ROBO1: variants seen among roughly 807,000 people sequenced by gnomAD.
ROBO1 encodes roundabout homolog 1.
A neutral mutation model predicts 195.9 loss-of-function variants in ROBO1; 149 were observed. The ratio of observed to expected loss-of-function variants is 0.76; its 90% CI spans 0.67 to 0.87. The LOEUF is 0.87. ROBO1 is among the 40% of genes least tolerant of loss of function. ROBO1 has a pLI of 0.00. For synonymous variants in ROBO1, 816 were observed against 733.2 expected, an observed-to-expected ratio of 1.11 and a Z score of -1.82; for missense variants, 1,933 against 2,068.3, an observed-to-expected ratio of 0.93 and a Z score of 1.27.
chr3:78,836,679 G>C (rs1230513068), intron 4 of ROBO1, among the ~76,000 whole-genome samples: 1 of 152,050 alleles, frequency 6.6e-6, no homozygotes, highest in African/African-American at 2.4e-5. Flanking sequence ...GTATTAATTT[G>C]TATAAGGTGG....
intron 3 of ROBO1, among the ~76,000 whole-genome samples, chr3:79,020,498 C>T (rs763942814): frequency 6.6e-6 from 1 of 152,136 alleles, no homozygotes; most frequent in Non-Finnish European, 1.5e-5. Context: ...TCGAGACCAG[C>T]CTGACCAATA....
intron 1 of ROBO1, among the ~76,000 whole-genome samples, chr3:79,763,164 T>C (rs1704803663): frequency 6.6e-6 from 1 of 152,098 alleles, no homozygotes; most frequent in Admixed American, 6.6e-5. Context: ...TCAGGAGCAA[T>C]GCATGGACAA....
intron 2 of ROBO1, among the ~76,000 whole-genome samples, chr3:79,469,990 TA>T (rs1401105168): frequency 1.3e-5 from 2 of 152,170 alleles, no homozygotes; most frequent in East Asian, 3.8e-4. Flanking sequence ...AAAGAGTTTT[TA>T]AAAACTGTTA....
At chr3:79,761,109 A>G (rs2107521662) in intron 1 of ROBO1, among the ~76,000 whole-genome samples, 1 of 148,184 alleles carries the variant, frequency 6.7e-6, no homozygotes, top group East Asian at 1.9e-4. Context: ...AAAATATACT[A>G]TATATTTTTA....
intron 1 of ROBO1, among the ~76,000 whole-genome samples, chr3:79,612,016 C>T (rs1216511355): frequency 2.1e-5 from 3 of 145,382 alleles, no homozygotes; most frequent in Non-Finnish European, 3.0e-5. Flanking sequence ...TCTGTAATGA[C>T]TATTATCTTT....
chr3:78,609,364 T>A (rs1380346070), intron 28 of ROBO1, among the ~76,000 whole-genome samples: 2 of 152,164 alleles, frequency 1.3e-5, no homozygotes, highest in Non-Finnish European at 2.9e-5. Flanking sequence ...AAAGCAGGGC[T>A]GTCAAGTCTC....
intron 26 of ROBO1, among the ~76,000 whole-genome samples, chr3:78,622,008 A>G (rs1157385882): frequency 1.3e-5 from 2 of 152,224 alleles, no homozygotes; most frequent in Non-Finnish European, 1.5e-5. Context: ...TGTATTCCAT[A>G]TATGAACATA....
At chr3:79,263,575 T>C (rs1344095105) in intron 2 of ROBO1, among the ~76,000 whole-genome samples, 1 of 151,914 alleles carries the variant, frequency 6.6e-6, no homozygotes, top group Non-Finnish European at 1.5e-5. Flanking sequence ...GCCCAGGAGT[T>C]TAAGGCTACT....
intron 4 of ROBO1, among the ~76,000 whole-genome samples, chr3:78,834,707 C>G (rs966709723): frequency 1.3e-5 from 2 of 152,036 alleles, no homozygotes; most frequent in Non-Finnish European, 2.9e-5. Flanking sequence ...CCTTGAGTTA[C>G]TAGGCACTGT....
chr3:79,421,252 A>T (rs926075646), intron 2 of ROBO1, among the ~76,000 whole-genome samples: 4 of 152,074 alleles, frequency 2.6e-5, no homozygotes, highest in Admixed American at 1.3e-4. Context: ...GATGAGAATT[A>T]AAAAATTACC....
chr3:78,728,844 A>T (rs1250064321), intron 5 of ROBO1, among the ~76,000 whole-genome samples: 1 of 152,230 alleles, frequency 6.6e-6, no homozygotes, highest in African/African-American at 2.4e-5. Flanking sequence ...TTGGCGTCCC[A>T]TATTTGCCTG....
rs536386328 is a variant in ROBO1 at position 79,137,076 on chromosome 3, A to G, written c.89-11537T>C. On this transcript the variant is annotated intron_variant, in intron 2 of 30. Transcript: ENST00000464233. ...CAATGTTGCTGCTATAAGAAAAATC[A>G]AGGTTGTTTCTTTACGTTTCTTTCA... Among the ~76,000 whole-genome samples, 12 of 152,250 alleles carry G rather than the reference A, an allele frequency of 7.9e-5. No individual in the cohort carries two copies. The South Asian group carries it at 2.3e-3, about 29-fold the overall frequency.
Position 79,496,387 on chromosome 3 carries a change from C to CATTTTTTTTTTTTTTTTTTTT in ROBO1, c.88+93436_88+93437insAAAAAAAAAAAAAAAAAAAAT, listed in dbSNP as rs145186389. ...TTTTGGTATAATGCTGCGCACCCAT[C>CATTTTTTTTTTTTTTTTTTTT]TTTTTTTGAGACGGAGTCTCGCTCT... is the stretch of plus-strand genomic sequence containing the variant. On this transcript the variant is annotated intron_variant, in intron 2 of 30. Transcript: ENST00000464233. Among the ~76,000 whole-genome samples, 279 of 112,588 alleles carry CATTTTTTTTTTTTTTTTTTTT rather than the reference C, an allele frequency of 2.5e-3. 60 individuals carry two copies. Among genetic ancestry groups the CATTTTTTTTTTTTTTTTTTTT allele is most frequent in the Middle Eastern group, 4.3e-3 (1 of 232 alleles). 73.9% of individuals were successfully genotyped at this position (112,588 alleles called of 152,430 possible).
chr3:78,879,630 T>A (rs1376690501), intron 4 of ROBO1, among the ~76,000 whole-genome samples: 1 of 151,926 alleles, frequency 6.6e-6, no homozygotes, highest in East Asian at 1.9e-4. Flanking sequence ...CATGCCCCTT[T>A]GACCATTTCA....
At chr3:79,525,273 CATAT>C (rs1941380191) in intron 2 of ROBO1, among the ~76,000 whole-genome samples, 1 of 149,838 alleles carries the variant, frequency 6.7e-6, no homozygotes, top group African/African-American at 2.4e-5. Flanking sequence ...TGTATAATTA[CATAT>C]ATATTTAATT....
At chr3:79,213,711 C>T (rs1009911929) in intron 2 of ROBO1, among the ~76,000 whole-genome samples, 4 of 151,490 alleles carry the variant, frequency 2.6e-5, no homozygotes, top group Middle Eastern at 3.2e-3. Flanking sequence ...CAATTAGCAT[C>T]TTAACATTCT....
At chr3:79,678,638 A>G (rs1434438171) in intron 1 of ROBO1, among the ~76,000 whole-genome samples, 1 of 152,108 alleles carries the variant, frequency 6.6e-6, no homozygotes, top group Non-Finnish European at 1.5e-5. Flanking sequence ...AGAAAATCTT[A>G]CATTTTCAAT....
intron 3 of ROBO1, among the ~76,000 whole-genome samples, chr3:78,945,417 G>A (rs1193367291): frequency 6.6e-6 from 1 of 152,200 alleles, no homozygotes; most frequent in Admixed American, 6.5e-5. Context: ...AGGGTCTGGA[G>A]TGGACCTCTA....
chr3:79,417,650 T>G (rs1030944353), intron 2 of ROBO1, among the ~76,000 whole-genome samples: 5 of 152,154 alleles, frequency 3.3e-5, no homozygotes, highest in African/African-American at 1.2e-4. Flanking sequence ...ATTTCCGCAT[T>G]AGCTGGAGGC....
Sources: gnomAD v4.1 joint callset for allele counts (sites outside exome capture counted in the v4.1 genomes callset) on GRCh38, gnomAD v4.1.1 for gene constraint, MANE v1.5 for transcripts, NCBI Gene and HGNC (gene_info 2026-07-23, HGNC 2026-07-21) for gene names.